PCDH9: variants seen among roughly 807,000 people sequenced by gnomAD.
PCDH9 encodes the protein protocadherin-9.
A neutral mutation model predicts 70.6 loss-of-function variants in PCDH9; 24 were observed. The ratio of observed to expected loss-of-function variants is 0.34; its 90% CI spans 0.25 to 0.48. PCDH9 has a LOEUF of 0.48. PCDH9 is among the 20% of genes least tolerant of loss of function. The pLI is 0.99. For synonymous variants in PCDH9, 562 were observed against 558.5 expected, an observed-to-expected ratio of 1.01 and a Z score of -0.09; for missense variants, 1,281 against 1,503.6, an observed-to-expected ratio of 0.85 and a Z score of 2.45.
At chr13:67,215,496 T>A (rs2089581586) in intron 2 of PCDH9, 1 of 152,098 alleles carries the variant, frequency 6.6e-6, no homozygotes, top group African/African-American at 2.4e-5. Context: ...ATCTAAGTAC[T>A]GAAAGGTTTA....
chr13:66,618,151 T>C (rs2138891749), intron 4 of PCDH9, among the ~76,000 whole-genome samples: 1 of 152,224 alleles, frequency 6.6e-6, no homozygotes, highest in Admixed American at 6.5e-5. Flanking sequence ...CCCTTTATTT[T>C]CCTTTTCACC....
chr13:66,909,368 G>A (rs1053220665), intron 2 of PCDH9, among the ~76,000 whole-genome samples: 10 of 151,762 alleles, frequency 6.6e-5, no homozygotes, highest in African/African-American at 1.5e-4. Flanking sequence ...TGACTATACC[G>A]CCCAAAGCAA....
chr13:67,086,254 T>G (rs1276447385), intron 2 of PCDH9, among the ~76,000 whole-genome samples: 1 of 152,194 alleles, frequency 6.6e-6, no homozygotes. Flanking sequence ...TTAGTCACCA[T>G]GGTTTTGTTA....
At chr13:66,586,879 C>T (rs1056130005) in intron 4 of PCDH9, among the ~76,000 whole-genome samples, 2 of 151,794 alleles carry the variant, frequency 1.3e-5, no homozygotes, top group African/African-American at 4.9e-5. Context: ...CTCATCTCAT[C>T]ATGAGTATCA....
In PCDH9 at chr13:66,572,848, C is replaced by T. The variant is rs529228259; in HGVS notation, c.3340+58362G>A. The stretch of plus-strand genomic sequence containing the variant: ...GATCACAGCTTACTGCAGCCTCACC[C>T]TCCCAGGCTCAAGAGATCCTCCTAC... On this transcript the variant is annotated intron_variant, in intron 4 of 4. Coordinates refer to ENST00000377865, the MANE Select transcript of PCDH9 (RefSeq NM_203487.3). Among the ~76,000 whole-genome samples the T allele has an allele frequency of 9.9e-5, 15 of 152,266 alleles. No homozygotes were observed. The South Asian group carries it at 2.9e-3, about 30-fold the overall frequency.
intron 2 of PCDH9, among the ~76,000 whole-genome samples, chr13:67,001,138 T>G (rs1049608084): frequency 6.6e-6 from 1 of 152,200 alleles, no homozygotes. Flanking sequence ...CTGATTCAAA[T>G]GTTTATTTTC....
At chr13:66,426,765 T>G (rs1234849715) in intron 4 of PCDH9, among the ~76,000 whole-genome samples, 1 of 151,616 alleles carries the variant, frequency 6.6e-6, no homozygotes, top group Non-Finnish European at 1.5e-5. Context: ...CATGCATCCT[T>G]TACTATTAAT....
intron 3 of PCDH9, among the ~76,000 whole-genome samples, chr13:66,780,236 T>C (rs775587539): frequency 3.3e-5 from 5 of 152,152 alleles, no homozygotes; most frequent in Non-Finnish European, 7.4e-5. Flanking sequence ...CAATAAAACT[T>C]ATTACAGAGT....
chr13:67,154,475 G>A (rs2087745665), intron 2 of PCDH9, among the ~76,000 whole-genome samples: 1 of 150,644 alleles, frequency 6.6e-6, no homozygotes, highest in Admixed American at 6.6e-5. Flanking sequence ...TATTGGGGAG[G>A]CTGAGGCAGG....
intron 4 of PCDH9, among the ~76,000 whole-genome samples, chr13:66,406,070 T>A (rs1445418115): frequency 1.3e-5 from 2 of 152,168 alleles, no homozygotes; most frequent in Admixed American, 6.6e-5. Context: ...ACTGTCTTGC[T>A]GCTTTGGGCA....
intron 3 of PCDH9, among the ~76,000 whole-genome samples, chr13:66,743,360 G>C (rs1355676551): frequency 2.4e-5 from 3 of 122,830 alleles, no homozygotes; most frequent in Admixed American, 8.8e-5. Context: ...GGGGGGAGGG[G>C]GGAGGGATAG....
At position 66,396,769 on chromosome 13, in the gene PCDH9, T is replaced by C. The variant is rs549836683; in HGVS notation, c.3341-91741A>G. 5.3e-5 allele frequency among the ~76,000 whole-genome samples: 8 copies of C among 152,260 alleles called. No homozygotes were observed. The East Asian group carries it at 1.5e-3, about 29-fold the overall frequency. On this transcript the variant is annotated intron_variant, in intron 4 of 4. Coordinates refer to ENST00000377865, the MANE Select transcript of PCDH9 (RefSeq NM_203487.3). ...TGTAAGTAATAAATACAAGAATGTA[T>C]ATGAAAATGCCCATCATGAGGCTTG...
intron 2 of PCDH9, among the ~76,000 whole-genome samples, chr13:67,179,108 C>T (rs551261567): frequency 4.6e-5 from 7 of 152,046 alleles, no homozygotes; most frequent in African/African-American, 1.4e-4. Flanking sequence ...AGTGTGGCTA[C>T]ATAGTTGATT....
intron 3 of PCDH9, among the ~76,000 whole-genome samples, chr13:66,848,927 CAAAAAAAAA>C (rs745587776): frequency 7.8e-5 from 4 of 51,300 alleles, no homozygotes; most frequent in Admixed American, 2.0e-4. Flanking sequence ...GACTCCGTCT[CAAAAAAAAA>C]AAAAAAAAAA....
intron 4 of PCDH9, among the ~76,000 whole-genome samples, chr13:66,499,534 C>A (rs1959166186): frequency 6.6e-6 from 1 of 152,120 alleles, no homozygotes; most frequent in African/African-American, 2.4e-5. Flanking sequence ...CTGTTGGAGG[C>A]ATATATAAAA....
intron 2 of PCDH9, among the ~76,000 whole-genome samples, chr13:66,974,117 T>C (rs1451300887): frequency 6.6e-6 from 1 of 151,956 alleles, no homozygotes; most frequent in East Asian, 1.9e-4. Flanking sequence ...ACAATGACCT[T>C]CGTGATGGGG....
chr13:66,487,809 T>A (rs1254050688), intron 4 of PCDH9, among the ~76,000 whole-genome samples: 1 of 152,176 alleles, frequency 6.6e-6, no homozygotes, highest in Non-Finnish European at 1.5e-5. Context: ...ATCTGATGGA[T>A]AATTCAAGCC....
intron 4 of PCDH9, among the ~76,000 whole-genome samples, chr13:66,351,776 C>T (rs1314751199): frequency 1.3e-5 from 2 of 151,748 alleles, no homozygotes; most frequent in Non-Finnish European, 2.9e-5. Flanking sequence ...GCAAATCATC[C>T]GTATAACAAT....
intron 3 of PCDH9, among the ~76,000 whole-genome samples, chr13:66,677,535 C>G (rs1027380436): frequency 6.6e-6 from 1 of 152,046 alleles, no homozygotes; most frequent in South Asian, 2.1e-4. Context: ...GAAAGGATCC[C>G]TCATGGCTTG....
Sources: allele counts gnomAD v4.1 joint callset (sites outside exome capture counted in the v4.1 genomes callset), GRCh38; gene constraint gnomAD v4.1.1; transcripts MANE v1.5; gene names NCBI Gene and HGNC (gene_info 2026-07-23, HGNC 2026-07-21).